The following ACOXL variants were observed in gnomAD, a reference collection of about 807,000 sequenced individuals.
The protein encoded by ACOXL is acyl-CoA oxidase like, also known as acyl-coenzyme A oxidase-like protein.
In ACOXL, 70 loss-of-function variants were observed where a neutral mutation model predicts 71.9. That is an observed-to-expected ratio of 0.97 (90% CI 0.80 to 1.19). ACOXL has a LOEUF of 1.19. ACOXL is among the 50% of genes most tolerant of loss of function. ACOXL has a pLI of 0.00. For missense variants in ACOXL, 703 were observed against 736.3 expected, an observed-to-expected ratio of 0.95 and a Z score of 0.52; for synonymous variants, 253 against 281.6, an observed-to-expected ratio of 0.90 and a Z score of 1.02.
chr2:111,114,594 CCTT>C (rs2070214019), intron 17 of ACOXL, among the ~76,000 whole-genome samples: 1 of 152,046 alleles, frequency 6.6e-6, no homozygotes, highest in Non-Finnish European at 1.5e-5. Context: ...GGCAGGAAAA[CCTT>C]CTGCATGGAG....
rs1225889982 is a variant in ACOXL, at chr2:111,108,371, CTT to C, written c.1543-9223_1543-9222del. 1.5e-4 allele frequency among the ~76,000 whole-genome samples: 11 copies of C among 71,052 alleles called. No homozygotes were observed. The East Asian group carries it at 2.4e-3, about 16-fold the overall frequency. The allele number at this position is 71,052 out of a possible 152,430, so 46.6% of individuals were successfully genotyped here. On this transcript the variant is annotated intron_variant, in intron 17 of 17. Coordinates refer to ENST00000439055, the MANE Select transcript of ACOXL (RefSeq NM_001142807.4). ...TTTATATACATTGAAGTGCATGAATCTTTTTTTTTTTTTTTTTTTTTTTGGAG... is the reference window on the plus strand; with the variant it reads ...TTTATATACATTGAAGTGCATGAATCTTTTTTTTTTTTTTTTTTTTTGGAG...
At chr2:111,087,439 G>A (rs912461574) in intron 16 of ACOXL, among the ~76,000 whole-genome samples, 4 of 152,074 alleles carry the variant, frequency 2.6e-5, no homozygotes, top group African/African-American at 9.7e-5. Flanking sequence ...CATAGTACTG[G>A]TACAAAAACA....
At chr2:110,983,011 G>A (rs1399974373) in intron 12 of ACOXL, among the ~76,000 whole-genome samples, 1 of 152,226 alleles carries the variant, frequency 6.6e-6, no homozygotes, top group Non-Finnish European at 1.5e-5. Flanking sequence ...CTTGGAGCAT[G>A]ATATGGGGCC....
chr2:110,886,777 C>G (rs749686617), intron 10 of ACOXL: 24 of 1,550,960 alleles, frequency 1.5e-5, no homozygotes, highest in Non-Finnish European at 2.1e-5. Context: ...GTCCCTTTTT[C>G]TAGGTCCAGA....
At chr2:110,863,358 G>A (rs1158690418) in intron 10 of ACOXL, among the ~76,000 whole-genome samples, 1 of 152,168 alleles carries the variant, frequency 6.6e-6, no homozygotes, top group African/African-American at 2.4e-5. Context: ...TGTGCAATAT[G>A]CTCTGTTTTC....
chr2:110,824,591 C>A (rs1486541874), intron 9 of ACOXL, among the ~76,000 whole-genome samples: 1 of 151,754 alleles, frequency 6.6e-6, no homozygotes, highest in East Asian at 1.9e-4. Context: ...TTTTTCATTT[C>A]TATTTTGCTG....
At chr2:110,790,006 A>C (rs1684457005) in intron 3 of ACOXL, among the ~76,000 whole-genome samples, 1 of 152,134 alleles carries the variant, frequency 6.6e-6, no homozygotes, top group South Asian at 2.1e-4. Context: ...TCCCAGCCAC[A>C]CTTTTGGCAT....
At chr2:110,915,348 ATATGTGTGTGTGTG>A (rs2059804349) in intron 11 of ACOXL, among the ~76,000 whole-genome samples, 1 of 127,150 alleles carries the variant, frequency 7.9e-6, no homozygotes, top group African/African-American at 2.8e-5. Flanking sequence ...ATATATATAT[ATATGTGTGTGTGTG>A]TGTGTGTGTG....
chr2:111,025,672 A>C (rs1435310630), intron 14 of ACOXL, among the ~76,000 whole-genome samples: 1 of 152,112 alleles, frequency 6.6e-6, no homozygotes, highest in African/African-American at 2.4e-5. Flanking sequence ...CCTGTGACTG[A>C]GCTGTAGATG....
intron 16 of ACOXL, among the ~76,000 whole-genome samples, chr2:111,061,460 T>A (rs1025219300): frequency 5.3e-5 from 8 of 152,074 alleles, no homozygotes; most frequent in Non-Finnish European, 7.4e-5. Context: ...TATCCTCAGA[T>A]TAGCTTGATT....
intron 10 of ACOXL, among the ~76,000 whole-genome samples, chr2:110,885,071 A>G (rs909882024): frequency 9.2e-5 from 14 of 152,194 alleles, no homozygotes; most frequent in African/African-American, 3.4e-4. Context: ...AAGGTACGCA[A>G]AAGTGTTGCT....
chr2:110,821,035 C>G, intron 9 of ACOXL, among the ~76,000 whole-genome samples: 1 of 152,108 alleles, frequency 6.6e-6, no homozygotes, highest in Non-Finnish European at 1.5e-5. Context: ...TATGAGGCAT[C>G]TGTATGGAAA....
chr2:111,062,879 G>C (rs1046838871), intron 16 of ACOXL, among the ~76,000 whole-genome samples: 4 of 152,066 alleles, frequency 2.6e-5, no homozygotes, highest in African/African-American at 9.7e-5. Flanking sequence ...CAAAGAGCTA[G>C]ATCTTTTAAA....
intron 9 of ACOXL, among the ~76,000 whole-genome samples, chr2:110,827,351 G>A (rs551957023): frequency 6.6e-6 from 1 of 152,286 alleles, no homozygotes; most frequent in African/African-American, 2.4e-5. Context: ...AGAGGAATTT[G>A]AAAGGTGAAT....
chr2:110,969,771 A>T (rs970340033), intron 12 of ACOXL, among the ~76,000 whole-genome samples: 9 of 151,816 alleles, frequency 5.9e-5, no homozygotes, highest in African/African-American at 2.2e-4. Flanking sequence ...AGATTGTGCC[A>T]CTGCATTCCA....
chr2:110,964,438 G>T (rs2061839633), intron 12 of ACOXL, among the ~76,000 whole-genome samples: 1 of 152,128 alleles, frequency 6.6e-6, no homozygotes, highest in Non-Finnish European at 1.5e-5. Context: ...TTATGATACG[G>T]TAAGTAAAAA....
intron 12 of ACOXL, among the ~76,000 whole-genome samples, chr2:110,972,282 TG>T (rs1209767481): frequency 6.6e-6 from 1 of 152,136 alleles, no homozygotes; most frequent in African/African-American, 2.4e-5. Context: ...AGGCCTAGGC[TG>T]GGGAAGGAAC....
At chr2:110,761,923 T>C (rs930548247) in intron 1 of ACOXL, among the ~76,000 whole-genome samples, 8 of 152,220 alleles carry the variant, frequency 5.3e-5, no homozygotes, top group African/African-American at 1.9e-4. Flanking sequence ...TATTAAACTT[T>C]GTCTGTTTAA....
At chr2:110,990,901 T>C (rs1434835980) in intron 13 of ACOXL, among the ~76,000 whole-genome samples, 1 of 152,172 alleles carries the variant, frequency 6.6e-6, no homozygotes, top group African/African-American at 2.4e-5. Context: ...TTTGGCTTGT[T>C]AGTATTTTTT....
Sources: gnomAD v4.1 joint callset for allele counts (sites outside exome capture counted in the v4.1 genomes callset) on GRCh38, gnomAD v4.1.1 for gene constraint, MANE v1.5 for transcripts, NCBI Gene and HGNC (gene_info 2026-07-23, HGNC 2026-07-21) for gene names.